Variants in CSMD1 observed in about 807,000 individuals in gnomAD.
CSMD1 encodes CUB and Sushi multiple domains 1, also known as CUB and sushi domain-containing protein 1.
Under a neutral mutation model 417.5 loss-of-function variants are expected in CSMD1, and 213 were observed. The observed-to-expected ratio is 0.51, with a 90% CI of 0.46 to 0.57. The LOEUF (loss-of-function observed/expected upper bound fraction) is 0.57, where lower values mean the gene tolerates loss of function less well. CSMD1 is among the 20% of genes least tolerant of loss of function. The pLI, the probability that CSMD1 is intolerant of heterozygous loss-of-function variation, is 0.00. For synonymous variants in CSMD1, 2,862 were observed against 1,736.8 expected, an observed-to-expected ratio of 1.65 and a Z score of -16.11; for missense variants, 6,923 against 4,529.7, an observed-to-expected ratio of 1.53 and a Z score of -15.17.
chr8:3,180,177 G>C lies in CSMD1; in HGVS notation c.5725+933C>G, dbSNP rs114813997. ...TACTCTCATTGGAAATTCTTATTTC[G>C]CTTTTACAAGGTTTACCTGCATAAT... On this transcript the variant is annotated intron_variant, in intron 37 of 69. Coordinates refer to ENST00000635120, the MANE Select transcript of CSMD1 (RefSeq NM_033225.6). 9.2e-3 allele frequency among the ~76,000 whole-genome samples: 1,408 copies of C among 152,218 alleles called. 23 individuals carry two copies. The highest frequency in any genetic ancestry group is 0.032 in the African/African-American group (1,324 of 41,520).
intron 23 of CSMD1, among the ~76,000 whole-genome samples, chr8:3,335,195 G>C (rs1319200741): frequency 6.6e-6 from 1 of 152,032 alleles, no homozygotes; most frequent in Non-Finnish European, 1.5e-5. Context: ...AGGGGTATTG[G>C]TGAACCAGCC....
At chr8:3,769,315 G>C (rs1271372701) in intron 5 of CSMD1, among the ~76,000 whole-genome samples, 2 of 151,872 alleles carry the variant, frequency 1.3e-5, no homozygotes, top group Admixed American at 6.6e-5. Flanking sequence ...AAATCATTTT[G>C]AGAAAAATTG....
chr8:3,266,480 C>T (rs1053090813), intron 26 of CSMD1, among the ~76,000 whole-genome samples: 2 of 151,674 alleles, frequency 1.3e-5, no homozygotes, highest in Non-Finnish European at 2.9e-5. Flanking sequence ...GTGGTAGGCA[C>T]CTGTAATCCC....
chr8:4,278,836 A>C (rs1796628582), intron 3 of CSMD1, among the ~76,000 whole-genome samples: 1 of 152,182 alleles, frequency 6.6e-6, no homozygotes, highest in Non-Finnish European at 1.5e-5. Flanking sequence ...ATTTATAGGA[A>C]AAACACTTTA....
rs139719776 is a variant in CSMD1 at position 4,102,679 on chromosome 8, G to C, written c.416-70580C>G. Among the ~76,000 whole-genome samples the C allele has an allele frequency of 2.2e-3, 330 of 152,210 alleles. 1 individual carries two copies. Among genetic ancestry groups the C allele is most frequent in the African/African-American group, 7.6e-3 (317 of 41,514 alleles). On this transcript the variant is annotated intron_variant, in intron 3 of 69. Coordinates refer to ENST00000635120, the MANE Select transcript of CSMD1 (RefSeq NM_033225.6). ...AAACTTTAAATACTCCAATATTCAG[G>C]ACATTTACTGATAATGTTCTCCTAA...
At chr8:3,087,368 T>C (rs1053975325) in intron 48 of CSMD1, 83 bp from the exon 49 acceptor site, 1 of 1,372,854 alleles carries the variant, frequency 7.3e-7, no homozygotes, top group Non-Finnish European at 1.0e-6. Flanking sequence ...AGTCTATAAA[T>C]GAATGGCTTC....
At chr8:3,882,496 C>G (rs969079392) in intron 5 of CSMD1, among the ~76,000 whole-genome samples, 4 of 152,120 alleles carry the variant, frequency 2.6e-5, no homozygotes, top group South Asian at 2.1e-4. Context: ...AACTATTAGA[C>G]TCTCTCTGCC....
intron 5 of CSMD1, among the ~76,000 whole-genome samples, chr8:3,965,839 G>C (rs1391751880): frequency 2.0e-5 from 3 of 152,182 alleles, no homozygotes; most frequent in East Asian, 1.9e-4. Context: ...GGCCGGTCTT[G>C]AACTCTTGAC....
At chr8:4,985,215 T>A (rs1184588745) in intron 1 of CSMD1, among the ~76,000 whole-genome samples, 1 of 151,566 alleles carries the variant, frequency 6.6e-6, no homozygotes, top group Non-Finnish European at 1.5e-5. Flanking sequence ...TGTCAGAGGG[T>A]GGTGGGTGGG....
chr8:4,598,776 A>AC (rs1563322231), intron 2 of CSMD1, among the ~76,000 whole-genome samples: 2 of 152,092 alleles, frequency 1.3e-5, no homozygotes, highest in Non-Finnish European at 2.9e-5. Flanking sequence ...TAGGTGGAAA[A>AC]TTTTTTTCAA....
At chr8:4,134,448 G>C (rs1447455818) in intron 3 of CSMD1, among the ~76,000 whole-genome samples, 3 of 152,178 alleles carry the variant, frequency 2.0e-5, no homozygotes, top group Non-Finnish European at 4.4e-5. Context: ...ACAAGCCAAA[G>C]AGAAAGACCT....
At chr8:4,383,740 G>A (rs1584990891) in intron 3 of CSMD1, among the ~76,000 whole-genome samples, 1 of 148,966 alleles carries the variant, frequency 6.7e-6, no homozygotes, top group Admixed American at 6.7e-5. Context: ...CACATGTGCA[G>A]ATAAAAAAAA....
Position 3,888,579 on chromosome 8 carries a change from T to C in CSMD1, c.818+109324A>G, listed in dbSNP as rs1208486869. 2.0e-5 allele frequency among the ~76,000 whole-genome samples: 3 copies of C among 152,194 alleles called. No homozygotes were observed. The South Asian group carries it at 6.2e-4, about 32-fold the overall frequency. ...AAGTACCAGCTGGAGAAAGCTGAGC[T>C]AATAATGGCCCAGCTGCATAATCTA... On this transcript the variant is annotated intron_variant, in intron 5 of 69. Transcript: ENST00000635120.
In CSMD1 at chr8:3,716,582, C is replaced by T. The variant is rs182465015; in HGVS notation, c.932-8091G>A. On this transcript the variant is annotated intron_variant, in intron 6 of 69. Coordinates refer to ENST00000635120, the MANE Select transcript of CSMD1 (RefSeq NM_033225.6). ...CCGTCTTGGTTTCGGGAGATTTGCG[C>T]CGGCTTCTTTACTGCAACCTATTTC... is the stretch of plus-strand genomic sequence containing the variant. 2.4e-4 allele frequency among the ~76,000 whole-genome samples: 36 copies of T among 152,224 alleles called. No homozygotes were observed. The East Asian group carries it at 4.6e-3, about 20-fold the overall frequency.
Position 3,828,733 on chromosome 8 carries a change from C to G in CSMD1, c.819-74691G>C, listed in dbSNP as rs75496698. On this transcript the variant is annotated intron_variant, in intron 5 of 69. Coordinates refer to ENST00000635120, the MANE Select transcript of CSMD1 (RefSeq NM_033225.6). ...GTTTGGAGCCTTTCTGCAAGCCTCA[C>G]CAGAGAGACCTTACTAAACATCAGT... Among the ~76,000 whole-genome samples, 1,408 of 152,272 alleles carry G rather than the reference C, an allele frequency of 9.2e-3. 35 individuals carry two copies. Among genetic ancestry groups the G allele is most frequent in the African/African-American group, 0.031 (1,284 of 41,550 alleles).
intron 50 of CSMD1, among the ~76,000 whole-genome samples, chr8:3,047,168 C>G (rs971469395): frequency 1.4e-5 from 2 of 140,676 alleles, no homozygotes; most frequent in Admixed American, 1.5e-4. Flanking sequence ...AGATCCAGAT[C>G]ACACCACTGC....
At chr8:3,553,674 G>C (rs759829681) in intron 10 of CSMD1, among the ~76,000 whole-genome samples, 5 of 152,130 alleles carry the variant, frequency 3.3e-5, no homozygotes, top group Non-Finnish European at 4.4e-5. Flanking sequence ...ACTTGGGATA[G>C]GGAAACCAAT....
At chr8:4,001,944 T>C (rs112236998) in intron 4 of CSMD1, among the ~76,000 whole-genome samples, 1,877 of 152,230 alleles carry the variant, frequency 0.012, 43 homozygotes, top group African/African-American at 0.043. Flanking sequence ...CTTCAGTAGA[T>C]ATGTTAATGT....
intron 2 of CSMD1, among the ~76,000 whole-genome samples, chr8:4,615,487 C>T (rs1801423022): frequency 6.6e-6 from 1 of 152,214 alleles, no homozygotes; most frequent in Admixed American, 6.5e-5. Flanking sequence ...AATTTAATTG[C>T]TTACAAATGT....
Sources: gnomAD v4.1 joint callset for allele counts (sites outside exome capture counted in the v4.1 genomes callset) on GRCh38, gnomAD v4.1.1 for gene constraint, MANE v1.5 for transcripts, NCBI Gene and HGNC (gene_info 2026-07-23, HGNC 2026-07-21) for gene names.